Variants in ENTREP2 observed in about 807,000 individuals in gnomAD.
ENTREP2 encodes the protein protein ENTREP2.
chr15:29,323,808 A>T, the ENTREP2 span, among the ~76,000 whole-genome samples: 1,862 of 152,194 alleles, frequency 0.012, 46 homozygotes, highest in African/African-American at 0.043. Flanking sequence ...TTCTGTGTTG[A>T]TTATCGTTGT....
At chr15:29,615,877 G>C in the ENTREP2 span, among the ~76,000 whole-genome samples, 1 of 152,176 alleles carries the variant, frequency 6.6e-6, no homozygotes, top group African/African-American at 2.4e-5. Context: ...GGATGATACA[G>C]GGAAGCAGCG....
chr15:29,411,061 G>GCT, the ENTREP2 span, among the ~76,000 whole-genome samples: 83 of 152,276 alleles, frequency 5.5e-4, no homozygotes, highest in African/African-American at 1.9e-3. Flanking sequence ...GAGATTACAG[G>GCT]CATGAGCCAC....
chr15:29,151,797 G>A, the ENTREP2 span: 3 of 1,551,504 alleles, frequency 1.9e-6, no homozygotes, highest in Admixed American at 2.0e-5. Flanking sequence ...GCGCACACAC[G>A]ATAGTGGACA....
At chr15:29,269,859 G>A in the ENTREP2 span, 15 of 733,726 alleles carry the variant, frequency 2.0e-5, no homozygotes, top group East Asian at 3.4e-5. Context: ...TTGCGTCAGG[G>A]CGGCTGGGCG....
the ENTREP2 span, among the ~76,000 whole-genome samples, chr15:29,330,038 G>T: frequency 8.3e-4 from 126 of 152,312 alleles, no homozygotes; most frequent in Admixed American, 1.4e-3. Flanking sequence ...GAACTTCACA[G>T]TAGAGAAAAC....
chr15:29,639,574 C>T, the ENTREP2 span, among the ~76,000 whole-genome samples: 7,050 of 152,022 alleles, frequency 0.046, 185 homozygotes, highest in South Asian at 0.066. Context: ...ATTGTAAATA[C>T]TTATAATAAC....
chr15:29,349,326 T>G, the ENTREP2 span, among the ~76,000 whole-genome samples: 3 of 152,196 alleles, frequency 2.0e-5, no homozygotes, highest in African/African-American at 7.2e-5. Context: ...AACTCCAGAT[T>G]GTTAACATAT....
the ENTREP2 span, chr15:29,195,344 T>C: frequency 4.1e-6 from 4 of 984,952 alleles, no homozygotes; most frequent in Non-Finnish European, 4.8e-6. Flanking sequence ...GGAGGACTAA[T>C]CACAAGCACT....
the ENTREP2 span, among the ~76,000 whole-genome samples, chr15:29,390,302 G>C: frequency 6.6e-6 from 1 of 151,994 alleles, no homozygotes; most frequent in African/African-American, 2.4e-5. Context: ...TGAAATTACC[G>C]CATCATGAAA....
chr15:29,589,498 G>A, the ENTREP2 span, among the ~76,000 whole-genome samples: 2 of 152,242 alleles, frequency 1.3e-5, no homozygotes, highest in East Asian at 1.9e-4. Flanking sequence ...CTGCCTCTGC[G>A]TGTCTTCATT....
chr15:29,157,866 AT>A, the ENTREP2 span, among the ~76,000 whole-genome samples: 1 of 151,570 alleles, frequency 6.6e-6, no homozygotes, highest in Non-Finnish European at 1.5e-5. Flanking sequence ...AGTAGCTGGG[AT>A]TACAGGCATA....
At chr15:29,671,681 G>C in the ENTREP2 span, among the ~76,000 whole-genome samples, 1 of 152,140 alleles carries the variant, frequency 6.6e-6, no homozygotes, top group Non-Finnish European at 1.5e-5. Flanking sequence ...GGGTCCCAAT[G>C]GGCCTTTATT....
chr15:29,146,175 G>A, the ENTREP2 span, among the ~76,000 whole-genome samples: 2 of 152,144 alleles, frequency 1.3e-5, no homozygotes, highest in African/African-American at 2.4e-5. Flanking sequence ...ATGAATGGAA[G>A]GGTACCTCAT....
At chr15:29,657,605 T>A in the ENTREP2 span, among the ~76,000 whole-genome samples, 1 of 151,922 alleles carries the variant, frequency 6.6e-6, no homozygotes, top group African/African-American at 2.4e-5. Context: ...ATCCTGCTGA[T>A]TGGTGCATTT....
the ENTREP2 span, among the ~76,000 whole-genome samples, chr15:29,544,283 T>C: frequency 9.2e-5 from 14 of 152,274 alleles, no homozygotes; most frequent in Middle Eastern, 3.4e-3. Context: ...GCAGAATAAT[T>C]CACAGTTAGT....
the ENTREP2 span, among the ~76,000 whole-genome samples, chr15:29,598,821 G>A: frequency 2.0e-5 from 3 of 152,002 alleles, no homozygotes; most frequent in African/African-American, 2.4e-5. Flanking sequence ...CTCAGCCTCC[G>A]GAGTAGCTGG....
At chr15:29,129,372 C>G in the ENTREP2 span, among the ~76,000 whole-genome samples, 1 of 152,198 alleles carries the variant, frequency 6.6e-6, no homozygotes, top group Non-Finnish European at 1.5e-5. Flanking sequence ...GGCCGAAAGC[C>G]TATTTTTCTG....
chr15:29,421,887 G>A, the ENTREP2 span, among the ~76,000 whole-genome samples: 2 of 152,198 alleles, frequency 1.3e-5, no homozygotes, highest in African/African-American at 4.8e-5. Flanking sequence ...ATGACTTCAT[G>A]AGTAACGGAC....
chr15:29,416,467 T>C, the ENTREP2 span, among the ~76,000 whole-genome samples: 3 of 152,152 alleles, frequency 2.0e-5, no homozygotes, highest in Non-Finnish European at 4.4e-5. Context: ...AAACTGGATC[T>C]CTTCCTTACA....
Sources: allele counts gnomAD v4.1 joint callset (sites outside exome capture counted in the v4.1 genomes callset), GRCh38; gene constraint gnomAD v4.1.1; transcripts MANE v1.5; gene names NCBI Gene and HGNC (gene_info 2026-07-23, HGNC 2026-07-21).